SLC8A1: variants seen among roughly 807,000 people sequenced by gnomAD.
The protein encoded by SLC8A1 is solute carrier family 8 member A1.
A neutral mutation model predicts 68.3 loss-of-function variants in SLC8A1; 18 were observed. The ratio of observed to expected loss-of-function variants is 0.26; its 90% confidence interval spans 0.18 to 0.39. The LOEUF (loss-of-function observed/expected upper bound fraction) is 0.39, where lower values mean the gene tolerates loss of function less well. SLC8A1 is among the 10% of genes least tolerant of loss of function. The pLI, the probability that SLC8A1 is intolerant of heterozygous loss-of-function variation, is 1.00. For synonymous variants in SLC8A1, 475 were observed against 415.5 expected (o/e 1.14, Z -1.74); for missense variants, 985 against 1,156.7 (o/e 0.85, Z 2.15).
chr2:40,456,920 C>A (rs181209293), upstream of SLC8A1, among the ~76,000 whole-genome samples: 3 of 152,250 alleles, frequency 2.0e-5, no homozygotes, highest in Admixed American at 2.0e-4. Flanking sequence ...CTTTTCCTCT[C>A]TGTAATGAAA....
chr2:40,397,523 AAC>A (rs1253133414), intron 2 of SLC8A1, among the ~76,000 whole-genome samples: 1 of 152,170 alleles, frequency 6.6e-6, no homozygotes, highest in African/African-American at 2.4e-5. Context: ...GTGGGTGTGA[AAC>A]CATCTACGCA....
At chr2:40,499,594 G>C (rs1705920798) in intron 1 of SLC8A1, among the ~76,000 whole-genome samples, 1 of 152,054 alleles carries the variant, frequency 6.6e-6, no homozygotes, top group African/African-American at 2.4e-5. Flanking sequence ...GTTCCCAACT[G>C]TCCTAGAGGC....
chr2:40,115,650 G>C (rs762175920), intron 7 of SLC8A1, 21 bp from the exon 11 acceptor site: 1 of 1,593,020 alleles, frequency 6.3e-7, no homozygotes, highest in Admixed American at 1.7e-5. Context: ...AGAAGAGAAA[G>C]TCAATGACAC....
chr2:40,390,762 G>C (rs1685003133), intron 2 of SLC8A1, among the ~76,000 whole-genome samples: 1 of 151,986 alleles, frequency 6.6e-6, no homozygotes, highest in African/African-American at 2.4e-5. Flanking sequence ...TTAACATCAG[G>C]GGACTGCATC....
intron 2 of SLC8A1, among the ~76,000 whole-genome samples, chr2:40,266,539 G>C (rs901062310): frequency 6.6e-6 from 1 of 152,152 alleles, no homozygotes; most frequent in Non-Finnish European, 1.5e-5. Flanking sequence ...TAGAATGTTA[G>C]AGGGCTGTGG....
chr2:40,492,179 A>C (rs1705358470), intron 1 of SLC8A1, among the ~76,000 whole-genome samples: 1 of 152,126 alleles, frequency 6.6e-6, no homozygotes, highest in African/African-American at 2.4e-5. Flanking sequence ...GAGCCCTCAG[A>C]AATAACGCCA....
At chr2:40,226,658 A>G (rs1247629233) in intron 2 of SLC8A1, among the ~76,000 whole-genome samples, 1 of 152,168 alleles carries the variant, frequency 6.6e-6, no homozygotes, top group African/African-American at 2.4e-5. Flanking sequence ...AGACAGACTT[A>G]CATTTTGTTT....
chr2:40,433,150 G>C (rs1698708086), intron 1 of SLC8A1, among the ~76,000 whole-genome samples: 1 of 152,056 alleles, frequency 6.6e-6, no homozygotes, highest in South Asian at 2.1e-4. Flanking sequence ...CTAAAGTGCA[G>C]ATCTGACACT....
intron 2 of SLC8A1, among the ~76,000 whole-genome samples, chr2:40,318,887 A>C (rs898952092): frequency 6.6e-6 from 1 of 152,064 alleles, no homozygotes; most frequent in Admixed American, 6.6e-5. Flanking sequence ...CAACTTTTCA[A>C]TACAATGTTT....
intron 2 of SLC8A1, among the ~76,000 whole-genome samples, chr2:40,183,567 T>A (rs965759609): frequency 2.6e-5 from 4 of 152,206 alleles, no homozygotes; most frequent in African/African-American, 9.6e-5. Flanking sequence ...GTGGGGGACT[T>A]GTTAGAATTG....
intron 1 of SLC8A1, among the ~76,000 whole-genome samples, chr2:40,479,004 G>A (rs557649861): frequency 1.2e-4 from 18 of 151,904 alleles, no homozygotes; most frequent in Non-Finnish European, 1.8e-4. Context: ...ACTCCTGATC[G>A]CAGGTGATCC....
At chr2:40,184,786 C>G (rs1162733673) in intron 2 of SLC8A1, among the ~76,000 whole-genome samples, 2 of 151,572 alleles carry the variant, frequency 1.3e-5, no homozygotes, top group East Asian at 3.9e-4. Context: ...ACGCATGAAC[C>G]TGGCAAGTTC....
At chr2:40,189,415 G>C (rs1321347578) in intron 2 of SLC8A1, among the ~76,000 whole-genome samples, 1 of 152,176 alleles carries the variant, frequency 6.6e-6, no homozygotes, top group African/African-American at 2.4e-5. Flanking sequence ...CTGCCTCTCA[G>C]GTTCAAGTGA....
exon 2 of SLC8A1, chr2:40,428,506 C>A (rs1239554211): frequency 9.9e-6 from 16 of 1,609,918 alleles, no homozygotes; most frequent in South Asian, 2.2e-5. Flanking sequence ...GAGCTCTCCA[C>A]AAGTGTCCTC....
intron 2 of SLC8A1, among the ~76,000 whole-genome samples, chr2:40,291,039 C>T (rs1386088334): frequency 2.6e-5 from 4 of 152,180 alleles, no homozygotes; most frequent in African/African-American, 7.2e-5. Context: ...GTCAATTGAA[C>T]ATCAGGATTG....
intron 1 of SLC8A1, among the ~76,000 whole-genome samples, chr2:40,488,576 G>A (rs1332878756): frequency 6.6e-6 from 1 of 152,004 alleles, no homozygotes; most frequent in Admixed American, 6.6e-5. Flanking sequence ...GTGCTTTTGA[G>A]CAAAACCAAC....
At chr2:40,401,082 T>C (rs6730958) in intron 2 of SLC8A1, among the ~76,000 whole-genome samples, 104,877 of 152,086 alleles carry the variant, frequency 0.69, 36,904 homozygotes, top group Admixed American at 0.77. Context: ...GCACATTTAT[T>C]ACTATTTTCC....
intron 2 of SLC8A1, among the ~76,000 whole-genome samples, chr2:40,227,373 T>C (rs1373485571): frequency 6.6e-6 from 1 of 152,046 alleles, no homozygotes; most frequent in African/African-American, 2.4e-5. Flanking sequence ...TTTCCTTTCT[T>C]TATACCCTAG....
chr2:40,226,711 C>T (rs1372557835), intron 2 of SLC8A1, among the ~76,000 whole-genome samples: 5 of 152,152 alleles, frequency 3.3e-5, no homozygotes, highest in Non-Finnish European at 5.9e-5. Context: ...AATGTGTACA[C>T]ACTTGAATGT....
Sources: allele counts gnomAD v4.1 joint callset (sites outside exome capture counted in the v4.1 genomes callset), GRCh38; gene constraint gnomAD v4.1.1; transcripts MANE v1.5; gene names NCBI Gene and HGNC (gene_info 2026-07-23, HGNC 2026-07-21).